The following ECE1 variants were observed in gnomAD, a reference collection of about 807,000 sequenced individuals.
The protein encoded by ECE1 is endothelin-converting enzyme 1.
ECE1 carries 35 observed loss-of-function variants against 98.6 expected under a neutral mutation model. The observed-to-expected ratio is 0.35, with a 90% CI of 0.27 to 0.47. The LOEUF (loss-of-function observed/expected upper bound fraction) is 0.47. Ranked by LOEUF, ECE1 falls within the 20% of genes least tolerant of loss-of-function variation. The pLI, the probability that ECE1 is intolerant of heterozygous loss-of-function variation, is 1.00. For synonymous variants in ECE1, 394 were observed against 407.1 expected, an observed-to-expected ratio of 0.97 and a Z score of 0.39; for missense variants, 814 against 1,025.3, an observed-to-expected ratio of 0.79 and a Z score of 2.81.
intron 1 of ECE1, among the ~76,000 whole-genome samples, chr1:21,316,197 C>T (rs1400193390): frequency 6.6e-6 from 1 of 152,206 alleles, no homozygotes; most frequent in Non-Finnish European, 1.5e-5. Flanking sequence ...AACAGCAACC[C>T]CAATATTGTT....
chr1:21,325,883 G>T (rs528888290), intron 1 of ECE1, among the ~76,000 whole-genome samples: 190 of 152,308 alleles, frequency 1.2e-3, no homozygotes, highest in Non-Finnish European at 2.1e-3. Flanking sequence ...CCACCCAGAG[G>T]CTCAAGGGGT....
chr1:21,246,498 C>CAAAAAAAAAA (rs368916726), intron 9 of ECE1, among the ~76,000 whole-genome samples: 4 of 96,688 alleles, frequency 4.1e-5, no homozygotes, highest in African/African-American at 1.8e-4. Context: ...GACTCCATCT[C>CAAAAAAAAAA]AAAAAAAAAA....
intron 10 of ECE1, chr1:21,238,445 T>C: frequency 1.6e-6 from 1 of 631,554 alleles, no homozygotes. Flanking sequence ...ATTTCCTGAA[T>C]GCCAGGCTCT....
intron 10 of ECE1, among the ~76,000 whole-genome samples, chr1:21,242,709 T>G (rs2098198065): frequency 6.6e-6 from 1 of 152,208 alleles, no homozygotes. Context: ...TTGCTCCAAG[T>G]GCCATATTCA....
At chr1:21,286,466 A>C (rs1367681836) in intron 2 of ECE1, among the ~76,000 whole-genome samples, 1 of 152,200 alleles carries the variant, frequency 6.6e-6, no homozygotes, top group Non-Finnish European at 1.5e-5. Context: ...TAATAATATT[A>C]ACCCCATTTT....
At chr1:21,317,523 A>G (rs1009753060) in intron 1 of ECE1, among the ~76,000 whole-genome samples, 5 of 152,200 alleles carry the variant, frequency 3.3e-5, no homozygotes, top group Non-Finnish European at 5.9e-5. Context: ...GGATTGAGCA[A>G]TCTTGGTCCC....
intron 4 of ECE1, among the ~76,000 whole-genome samples, chr1:21,271,571 C>G (rs553010347): frequency 1.3e-5 from 2 of 152,176 alleles, no homozygotes; most frequent in Non-Finnish European, 2.9e-5. Context: ...CAGGATGGAG[C>G]AGGGGACAGC....
intron 1 of ECE1, among the ~76,000 whole-genome samples, chr1:21,318,572 T>C (rs1431832612): frequency 2.0e-5 from 3 of 152,052 alleles, no homozygotes; most frequent in African/African-American, 7.2e-5. Context: ...TGGGGTGATA[T>C]TTCAGGCCTT....
chr1:21,272,984 T>G, intron 3 of ECE1, 73 bp from the exon 4 acceptor site: 1 of 1,562,150 alleles, frequency 6.4e-7, no homozygotes, highest in East Asian at 2.3e-5. Flanking sequence ...GAAGGGGGCT[T>G]GGGGCCCAGG....
At chr1:21,334,806 A>T (rs1333156466) in intron 1 of ECE1, among the ~76,000 whole-genome samples, 1 of 152,114 alleles carries the variant, frequency 6.6e-6, no homozygotes, top group African/African-American at 2.4e-5. Context: ...AGTAGCAGCC[A>T]AAATCCCAGA....
intron 1 of ECE1, among the ~76,000 whole-genome samples, chr1:21,304,358 G>A (rs1638552055): frequency 6.7e-6 from 1 of 148,384 alleles, no homozygotes; most frequent in South Asian, 2.1e-4. Flanking sequence ...CGCCAATGCT[G>A]GGACCACATT....
At chr1:21,296,810 A>C (rs1638366304) in intron 1 of ECE1, among the ~76,000 whole-genome samples, 1 of 152,134 alleles carries the variant, frequency 6.6e-6, no homozygotes, top group African/African-American at 2.4e-5. Context: ...CTTCCTTTAG[A>C]GGCTACGGGC....
Position 21,290,364 on chromosome 1 carries a change from C to T in ECE1, c.51G>A (p.Gly17=). ...GCCCTCCAGGCCGCGCCCGCCTCACCCCCAGCGCCGACAGCAGGGCGGACA... is the reference window on the plus strand; with the variant it reads ...GCCCTCCAGGCCGCGCCCGCCTCACTCCCAGCGCCGACAGCAGGGCGGACA... ...PPVSALLSAL[G]MSTYKRATLD... is the part of the protein sequence containing the mutation. Residue 17 remains glycine (G), a splice_region_variant and synonymous_variant, in exon 1 of 19, where the codon GGG becomes GGA. Transcript: ENST00000374893. The surrounding 1 kb of genome is among the most constrained non-coding windows in gnomAD (Gnocchi z 7.3). 8.1e-7 allele frequency: 1 copy of T among 1,235,204 alleles called. No homozygotes were observed. The highest frequency in any genetic ancestry group is 1.0e-6 in the Non-Finnish European group (1 of 991,860). The allele number at this position is 1,235,204 out of a possible 1,614,324, so 76.5% of individuals were successfully genotyped here.
chr1:21,296,518 C>CA (rs780248881), intron 1 of ECE1, among the ~76,000 whole-genome samples: 25 of 150,694 alleles, frequency 1.7e-4, no homozygotes, highest in Non-Finnish European at 3.3e-4. Context: ...GTCTCAACTA[C>CA]AAAAAAAAGA....
At chr1:21,320,139 GA>G (rs752323835) in intron 1 of ECE1, among the ~76,000 whole-genome samples, 11 of 152,250 alleles carry the variant, frequency 7.2e-5, no homozygotes, top group Admixed American at 1.3e-4. Context: ...CCGCAGGTTG[GA>G]CAAGCTCATT....
In ECE1 at chr1:21,260,350, T is replaced by A. The variant is rs1027475921; in HGVS notation, c.536A>T (p.Gln179Leu). Residue 179 changes from glutamine to leucine, a missense_variant, in exon 5 of 19, where the codon CAA becomes CTA. Transcript: ENST00000374893. The surrounding 1 kb of genome is among the most constrained non-coding windows in gnomAD (Gnocchi z 4.3). ...GTTCATGCACGCACGGTAGTATACT[T>A]GCGCCTTTCTCTCTGCCTCGCTCAC... ...ASVSEAERKA[Q>L]VYYRACMNET... The A allele has an allele frequency of 1.6e-5, 26 of 1,614,124 alleles. No homozygotes were observed. Among genetic ancestry groups the A allele is most frequent in the Non-Finnish European group, 2.2e-5 (26 of 1,180,052 alleles).
intron 7 of ECE1, 90 bp from the exon 8 acceptor site, chr1:21,256,228 G>C: frequency 6.9e-7 from 1 of 1,440,734 alleles, no homozygotes; most frequent in Non-Finnish European, 9.3e-7. Flanking sequence ...GCCAAGTCCG[G>C]CACAGGGAGC....
chr1:21,268,601 C>T (rs1248172053), intron 4 of ECE1, among the ~76,000 whole-genome samples: 1 of 152,238 alleles, frequency 6.6e-6, no homozygotes, highest in African/African-American at 2.4e-5. Context: ...TCGGCTGACA[C>T]AATCCACACT....
chr1:21,241,110 G>A (rs1045563190), intron 10 of ECE1, among the ~76,000 whole-genome samples: 9 of 152,222 alleles, frequency 5.9e-5, no homozygotes, highest in East Asian at 5.8e-4. Context: ...GAGTGAGAGC[G>A]GGCCCTACTG....
Sources: gnomAD v4.1 joint callset for allele counts (sites outside exome capture counted in the v4.1 genomes callset) on GRCh38, gnomAD v4.1.1 for gene constraint, Gnocchi (gnomAD v3.1) non-coding constraint, MANE v1.5 for transcripts, NCBI Gene and HGNC (gene_info 2026-07-23, HGNC 2026-07-21) for gene names.